Variants in SLC5A8 observed in about 807,000 individuals in gnomAD.
SLC5A8 encodes the protein sodium-coupled monocarboxylate transporter 1.
Under a neutral mutation model 71.9 loss-of-function variants are expected in SLC5A8, and 55 were observed. The observed-to-expected ratio is 0.77, with a 90% CI of 0.62 to 0.96. The LOEUF (loss-of-function observed/expected upper bound fraction) is 0.96, where lower values mean the gene tolerates loss of function less well. Ranked by LOEUF, SLC5A8 falls within the 40% of genes least tolerant of loss-of-function variation. The pLI is 0.00. For missense variants in SLC5A8, 701 were observed against 745.3 expected (o/e 0.94, Z 0.69); for synonymous variants, 307 against 276.1 (o/e 1.11, Z -1.11).
At chr12:101,164,062 T>G (rs1336246307) in intron 12 of SLC5A8, among the ~76,000 whole-genome samples, 1 of 152,208 alleles carries the variant, frequency 6.6e-6, no homozygotes, top group African/African-American at 2.4e-5. Flanking sequence ...AGACAAGGAT[T>G]TCTTAAACAA....
At chr12:101,177,946 C>T (rs1032001646) in intron 10 of SLC5A8, among the ~76,000 whole-genome samples, 4 of 151,958 alleles carry the variant, frequency 2.6e-5, no homozygotes, top group Non-Finnish European at 4.4e-5. Flanking sequence ...CTGCCCCATT[C>T]GAAGATGACA....
Position 101,184,122 on chromosome 12 carries a change from C to T in SLC5A8, c.1052+12G>A. The T allele has an allele frequency of 6.2e-7, 1 of 1,607,536 alleles. No homozygotes were observed. The highest frequency in any genetic ancestry group is 8.5e-7 in the Non-Finnish European group (1 of 1,174,696). ...CAGGGAAATCATATGTTATTAGAGTCATAGTTCATACCTTAATGTCCCACT... is the reference window on the plus strand; with the variant it reads ...CAGGGAAATCATATGTTATTAGAGTTATAGTTCATACCTTAATGTCCCACT... On this transcript the variant is annotated intron_variant, in intron 8 of 14. Coordinates refer to ENST00000536262, the MANE Select transcript of SLC5A8 (RefSeq NM_145913.5).
At chr12:101,181,893 A>G (rs1301117190) in intron 9 of SLC5A8, among the ~76,000 whole-genome samples, 3 of 152,190 alleles carry the variant, frequency 2.0e-5, no homozygotes, top group Admixed American at 6.5e-5. Context: ...AGTTGTGGCA[A>G]TTTTACATAG....
At chr12:101,193,892 A>C in intron 4 of SLC5A8, 113 bp from the exon 5 acceptor site, 1 of 1,052,596 alleles carries the variant, frequency 9.5e-7, no homozygotes, top group Non-Finnish European at 1.3e-6. Context: ...TTGGCTAAGA[A>C]GTGCACTCAA....
chr12:101,200,072 A>G (rs1388420335), intron 3 of SLC5A8, among the ~76,000 whole-genome samples: 2 of 140,412 alleles, frequency 1.4e-5, no homozygotes, highest in East Asian at 4.4e-4. Flanking sequence ...AACTACTGAT[A>G]TATATGTAGC....
chr12:101,181,907 T>G (rs895792394), intron 9 of SLC5A8, among the ~76,000 whole-genome samples: 1 of 152,190 alleles, frequency 6.6e-6, no homozygotes, highest in Non-Finnish European at 1.5e-5. Flanking sequence ...TACATAGAAT[T>G]ATGGCTACTA....
intron 3 of SLC5A8, among the ~76,000 whole-genome samples, chr12:101,201,433 G>A (rs1869450521): frequency 6.6e-6 from 1 of 152,180 alleles, no homozygotes. Context: ...TCCCATCACA[G>A]AGTCCACATG....
At chr12:101,158,598 CTATA>C (rs139268658) in intron 13 of SLC5A8, among the ~76,000 whole-genome samples, 308 of 21,072 alleles carry the variant, frequency 0.015, 2 homozygotes, top group Non-Finnish European at 0.016. Flanking sequence ...CTCTCTCTCT[CTATA>C]TATATATATA....
chr12:101,165,870 A>G (rs138457178), intron 12 of SLC5A8, among the ~76,000 whole-genome samples: 99 of 152,316 alleles, frequency 6.5e-4, no homozygotes, highest in African/African-American at 2.2e-3. Flanking sequence ...GGACACTTAT[A>G]TATCCACTAA....
chr12:101,176,376 A>G (rs2051880383), intron 10 of SLC5A8, among the ~76,000 whole-genome samples: 1 of 151,972 alleles, frequency 6.6e-6, no homozygotes, highest in South Asian at 2.1e-4. Flanking sequence ...AGAATTCACC[A>G]CCCCTCTCTC....
intron 12 of SLC5A8, among the ~76,000 whole-genome samples, chr12:101,163,615 T>C (rs1566305822): frequency 6.6e-6 from 1 of 151,838 alleles, no homozygotes; most frequent in African/African-American, 2.4e-5. Context: ...GAGGTGGAGG[T>C]TGCATTGAAC....
At chr12:101,162,874 G>T (rs886979365) in intron 12 of SLC5A8, among the ~76,000 whole-genome samples, 1 of 152,108 alleles carries the variant, frequency 6.6e-6, no homozygotes, top group South Asian at 2.1e-4. Context: ...TACTCTAATG[G>T]AGAGATAAAT....
chr12:101,171,644 C>T (rs992260891), intron 10 of SLC5A8, among the ~76,000 whole-genome samples: 4 of 152,076 alleles, frequency 2.6e-5, no homozygotes, highest in Admixed American at 2.6e-4. Context: ...GGCTTTGGGG[C>T]AGACTCGCCA....
At chr12:101,190,432 T>C (rs1069475) in intron 6 of SLC5A8, 36 bp downstream of exon 6, 364,159 of 1,591,732 alleles carry the variant, frequency 0.23, 45,178 homozygotes, top group East Asian at 0.52. Context: ...CAACTGATGG[T>C]TATTAATGAT....
At position 101,180,813 on chromosome 12, in the gene SLC5A8, C is replaced by A. The variant is rs572923441; in HGVS notation, c.1166-717G>T. Among the ~76,000 whole-genome samples, 6 of 152,248 alleles carry A rather than the reference C, an allele frequency of 3.9e-5. No homozygotes were observed. In the South Asian group the frequency reaches 1.2e-3, roughly 32 times the overall value. On this transcript the variant is annotated intron_variant, in intron 9 of 14. Transcript: ENST00000536262. ...AAGTGATCCTCCCACCTTGGCCTCC[C>A]AAAGTGCTAGGATTACAGGTGTGAG...
intron 8 of SLC5A8, 60 bp from the exon 9 acceptor site, chr12:101,182,975 G>A: frequency 3.5e-6 from 3 of 863,800 alleles, no homozygotes; most frequent in Non-Finnish European, 5.0e-6. Context: ...TACTTTAAGT[G>A]GGAATGAGAA....
At chr12:101,171,956 A>C (rs931120299) in intron 10 of SLC5A8, among the ~76,000 whole-genome samples, 1 of 152,238 alleles carries the variant, frequency 6.6e-6, no homozygotes, top group Non-Finnish European at 1.5e-5. Flanking sequence ...ACTCAGTGGT[A>C]GCAGGCTTAG....
intron 10 of SLC5A8, among the ~76,000 whole-genome samples, chr12:101,173,210 C>T (rs911354610): frequency 2.6e-5 from 4 of 152,310 alleles, no homozygotes; most frequent in Admixed American, 6.5e-5. Flanking sequence ...TTGTATTTCT[C>T]GGCCTATGAG....
At chr12:101,175,220 A>G (rs1432672089) in intron 10 of SLC5A8, among the ~76,000 whole-genome samples, 4 of 152,126 alleles carry the variant, frequency 2.6e-5, no homozygotes, top group Admixed American at 2.0e-4. Context: ...AGAGAAAAAG[A>G]TCGGTGAACT....
Sources: gnomAD v4.1 joint callset for allele counts (sites outside exome capture counted in the v4.1 genomes callset) on GRCh38, gnomAD v4.1.1 for gene constraint, MANE v1.5 for transcripts, NCBI Gene and HGNC (gene_info 2026-07-23, HGNC 2026-07-21) for gene names.